The following GANC variants were observed in gnomAD, a reference collection of about 807,000 sequenced individuals.
GANC encodes neutral alpha-glucosidase C.
In GANC, 117 loss-of-function variants were observed where a neutral mutation model predicts 124.2. The ratio of observed to expected loss-of-function variants is 0.94; its 90% CI spans 0.81 to 1.10. The LOEUF (loss-of-function observed/expected upper bound fraction) is 1.10, where lower values mean the gene tolerates loss of function less well. Ranked by LOEUF, GANC falls within the 50% of genes least tolerant of loss-of-function variation. The pLI, the probability that GANC is intolerant of heterozygous loss-of-function variation, is 0.00. For missense variants in GANC, 1,140 were observed against 1,095.0 expected, an observed-to-expected ratio of 1.04 and a Z score of -0.58; for synonymous variants, 377 against 376.8, an observed-to-expected ratio of 1.00 and a Z score of -0.01.
intron 8 of GANC, 47 bp from the exon 9 acceptor site, chr15:42,310,236 T>C: frequency 7.4e-7 from 1 of 1,356,820 alleles, no homozygotes; most frequent in East Asian, 2.3e-5. Flanking sequence ...TTATTAATAT[T>C]AATAATATAT....
chr15:42,327,674 A>G (rs1390616156), intron 13 of GANC, among the ~76,000 whole-genome samples: 1 of 152,202 alleles, frequency 6.6e-6, no homozygotes, highest in Admixed American at 6.5e-5. Flanking sequence ...AATAGACTCT[A>G]TGATATATCA....
intron 3 of GANC, chr15:42,283,582 T>C: frequency 1.4e-6 from 1 of 696,616 alleles, no homozygotes; most frequent in Non-Finnish European, 2.6e-6. Context: ...TAGGTGACCA[T>C]TTGGCAACAC....
intron 1 of GANC, among the ~76,000 whole-genome samples, chr15:42,275,381 A>T (rs867027194): frequency 6.6e-5 from 10 of 152,184 alleles, no homozygotes; most frequent in Admixed American, 1.3e-4. Context: ...CTCAAAAAAA[A>T]TTTTTTTAAT....
chr15:42,330,770 CTTTTTTTTTT>C (rs71108160), intron 15 of GANC, 98 bp downstream of exon 15: 4 of 361,072 alleles, frequency 1.1e-5, no homozygotes, highest in Middle Eastern at 7.8e-4. Context: ...CTTCCTTTTC[CTTTTTTTTTT>C]TTTTTTTTTT....
At chr15:42,347,494 AC>A (rs2052376078) in intron 20 of GANC, among the ~76,000 whole-genome samples, 1 of 152,092 alleles carries the variant, frequency 6.6e-6, no homozygotes. Flanking sequence ...CTCTTAAAGT[AC>A]CCTTGGTAGT....
In GANC at chr15:42,351,312, G is replaced by C. The variant is rs776339542; in HGVS notation, c.2532-17G>C. 1 of 1,591,480 alleles carries C rather than the reference G, an allele frequency of 6.3e-7. No homozygotes were observed. The highest frequency in any genetic ancestry group is 8.6e-7 in the Non-Finnish European group (1 of 1,160,072). On this transcript the variant is annotated splice_polypyrimidine_tract_variant and intron_variant, in intron 22 of 23. Coordinates refer to ENST00000318010, the MANE Select transcript of GANC (RefSeq NM_198141.3). ...CCCCCATCCCTCTCCTTTTAATACT[G>C]TTTGTATCTATTCCAGTTTTGCTGA...
At chr15:42,347,825 T>A (rs370119548) in intron 20 of GANC, among the ~76,000 whole-genome samples, 2 of 152,228 alleles carry the variant, frequency 1.3e-5, no homozygotes, top group East Asian at 1.9e-4. Flanking sequence ...AATTCATCAC[T>A]TAAGAGGAAA....
chr15:42,343,228 T>G, intron 19 of GANC, 74 bp downstream of exon 19: 3 of 1,313,334 alleles, frequency 2.3e-6, no homozygotes, highest in South Asian at 2.4e-5. Flanking sequence ...GGAAAGAGAT[T>G]TCTTCATCAT....
rs1256197878 is a variant in GANC, at chr15:42,349,437, C to A, written c.2473C>A (p.His825Asn). The change falls in exon 22 of 24, where the codon CAC (histidine) becomes AAC (asparagine). Residue 825 changes from histidine (H) to asparagine (N), a missense_variant. His to Asn is a moderately conservative substitution (Grantham distance 68, BLOSUM62 1). Coordinates refer to ENST00000318010, the MANE Select transcript of GANC (RefSeq NM_198141.3). ...TGATGGCCATTCATTCCAATACCTCCACCAGAAGCAATTTTTGCACAGGAA... is the reference window on the plus strand; with the variant it reads ...TGATGGCCATTCATTCCAATACCTCAACCAGAAGCAATTTTTGCACAGGAA... ...LDDGHSFQYLHQKQFLHRKFS... is the reference protein window; with the variant it reads ...LDDGHSFQYLNQKQFLHRKFS... 6.2e-7 allele frequency: 1 copy of A among 1,613,786 alleles called. No homozygotes were observed. Among genetic ancestry groups the A allele is most frequent in the African/African-American group, 1.3e-5 (1 of 74,918 alleles).
At chr15:42,308,558 A>G (rs1355501509) in intron 8 of GANC, among the ~76,000 whole-genome samples, 1 of 152,154 alleles carries the variant, frequency 6.6e-6, no homozygotes, top group East Asian at 1.9e-4. Context: ...ATCTTGGCTC[A>G]CTGCAAGCTC....
intron 14 of GANC, among the ~76,000 whole-genome samples, chr15:42,330,278 G>A (rs957460993): frequency 2.0e-5 from 3 of 152,142 alleles, no homozygotes; most frequent in Admixed American, 6.5e-5. Flanking sequence ...AGGTTGTTAC[G>A]GAGATTATAT....
At chr15:42,289,883 C>T (rs940629411) in intron 4 of GANC, among the ~76,000 whole-genome samples, 7 of 152,044 alleles carry the variant, frequency 4.6e-5, no homozygotes, top group Non-Finnish European at 1.0e-4. Context: ...TACCTGGGTG[C>T]CCTTGTAAGA....
chr15:42,277,070 A>G (rs539727255), intron 2 of GANC, among the ~76,000 whole-genome samples: 2 of 152,298 alleles, frequency 1.3e-5, no homozygotes, highest in East Asian at 3.9e-4. Flanking sequence ...CACTACCACA[A>G]TGAAGAGCTA....
intron 1 of GANC, among the ~76,000 whole-genome samples, 193 bp downstream of exon 1, chr15:42,274,703 G>A (rs1230872023): frequency 6.6e-6 from 1 of 152,222 alleles, no homozygotes; most frequent in East Asian, 1.9e-4. Flanking sequence ...GCCGGGTGCA[G>A]TGGCTCACGC....
intron 5 of GANC, among the ~76,000 whole-genome samples, chr15:42,295,066 G>A (rs1044858411): frequency 2.0e-5 from 3 of 150,948 alleles, no homozygotes; most frequent in Non-Finnish European, 4.4e-5. Context: ...CTGCCTCCTG[G>A]GTTCATGCCA....
intron 17 of GANC, 71 bp from the exon 18 acceptor site, chr15:42,340,615 AAACT>A: frequency 3.3e-6 from 4 of 1,227,676 alleles, no homozygotes; most frequent in South Asian, 1.3e-5. Context: ...AAAAAAAAAA[AAACT>A]AAAAATATAA....
chr15:42,302,126 C>G (rs2051951273), intron 6 of GANC, among the ~76,000 whole-genome samples: 1 of 152,178 alleles, frequency 6.6e-6, no homozygotes, highest in Admixed American at 6.5e-5. Context: ...CTTGCGGGTG[C>G]CCCTCTGGGA....
intron 5 of GANC, among the ~76,000 whole-genome samples, chr15:42,295,744 G>T (rs2051885664): frequency 6.6e-6 from 1 of 151,732 alleles, no homozygotes; most frequent in Non-Finnish European, 1.5e-5. Context: ...CATGTAAGGA[G>T]CTTAGAAGTC....
chr15:42,312,935 G>C (rs375142061), intron 10 of GANC, among the ~76,000 whole-genome samples: 1 of 47,948 alleles, frequency 2.1e-5, no homozygotes, highest in Non-Finnish European at 5.1e-5. Context: ...GCAAGACTCC[G>C]TCTCAAAAAA....
Sources: gnomAD v4.1 joint callset for allele counts (sites outside exome capture counted in the v4.1 genomes callset) on GRCh38, gnomAD v4.1.1 for gene constraint, MANE v1.5 for transcripts, NCBI Gene and HGNC (gene_info 2026-07-23, HGNC 2026-07-21) for gene names.